Variants in UNC5D observed in about 807,000 individuals in gnomAD.
UNC5D encodes the protein netrin receptor UNC5D.
A neutral mutation model predicts 105.4 loss-of-function variants in UNC5D; 39 were observed. The observed-to-expected ratio is 0.37, with a 90% confidence interval of 0.29 to 0.48. The LOEUF is 0.48. UNC5D is among the 20% of genes least tolerant of loss of function. The probability of loss-of-function intolerance (pLI) is 0.98; values close to 1 mark genes in which losing one functional copy is unlikely to be tolerated. For missense variants in UNC5D, 991 were observed against 1,202.4 expected (o/e 0.82, Z 2.60); for synonymous variants, 452 against 450.4 (o/e 1.00, Z -0.04).
intron 11 of UNC5D, among the ~76,000 whole-genome samples, chr8:35,735,579 C>CT (rs1829425371): frequency 6.6e-6 from 1 of 152,108 alleles, no homozygotes; most frequent in South Asian, 2.1e-4. Flanking sequence ...AAAACATTAT[C>CT]TTTTTTAGGG....
chr8:35,599,398 G>T (rs769397211), intron 4 of UNC5D, among the ~76,000 whole-genome samples: 1 of 152,060 alleles, frequency 6.6e-6, no homozygotes, highest in Non-Finnish European at 1.5e-5. Context: ...ATAAGTTTGT[G>T]ATGTAATACA....
chr8:35,750,730 T>G lies in UNC5D; in HGVS notation c.2084T>G (p.Val695Gly). ...GCCGTGAAGCAACTGAAGGTGGCGG[T>G]TTTTGGCTGCATGTCCTGTAACTCC... ...DCAVKQLKVA[V>G]FGCMSCNSLD... is the part of the protein sequence containing the mutation. The change falls in exon 13 of 17, where the codon GTT becomes GGT. Residue 695 changes from valine (V) to glycine (G), a missense_variant. Val to Gly is a moderately radical substitution (Grantham distance 109). Coordinates refer to ENST00000404895, the MANE Select transcript of UNC5D (RefSeq NM_080872.4). The G allele has an allele frequency of 6.2e-7, 1 of 1,614,044 alleles. No individual in the cohort carries two copies. Among genetic ancestry groups the G allele is most frequent in the Non-Finnish European group, 8.5e-7 (1 of 1,179,998 alleles).
At chr8:35,439,489 T>C (rs908656716) in intron 1 of UNC5D, among the ~76,000 whole-genome samples, 1 of 152,062 alleles carries the variant, frequency 6.6e-6, no homozygotes, top group East Asian at 1.9e-4. Flanking sequence ...TGGTAACTAC[T>C]TGGGCAAGTT....
chr8:35,312,196 C>T (rs1425253548), intron 1 of UNC5D, among the ~76,000 whole-genome samples: 1 of 152,160 alleles, frequency 6.6e-6, no homozygotes, highest in Admixed American at 6.6e-5. Flanking sequence ...CTTCTGAAAA[C>T]ACATCTTGTG....
intron 1 of UNC5D, among the ~76,000 whole-genome samples, chr8:35,260,588 A>G (rs1179523737): frequency 1.3e-5 from 2 of 152,136 alleles, no homozygotes; most frequent in African/African-American, 4.8e-5. Flanking sequence ...CTCAGACTCC[A>G]GAGTATCTGG....
intron 13 of UNC5D, among the ~76,000 whole-genome samples, chr8:35,758,281 G>A (rs1450262109): frequency 1.3e-5 from 2 of 152,142 alleles, no homozygotes; most frequent in African/African-American, 4.8e-5. Flanking sequence ...AACCAGTAGA[G>A]GTGTTTTTAC....
At chr8:35,756,573 A>G in intron 13 of UNC5D, among the ~76,000 whole-genome samples, 1 of 150,782 alleles carries the variant, frequency 6.6e-6, no homozygotes, top group East Asian at 1.9e-4. Context: ...AAAAAGAAAA[A>G]AAGAAAGTCA....
chr8:35,616,696 C>T (rs910973048), intron 4 of UNC5D, among the ~76,000 whole-genome samples: 4 of 152,106 alleles, frequency 2.6e-5, no homozygotes, highest in Non-Finnish European at 4.4e-5. Flanking sequence ...AGATTACATC[C>T]GTTATCCTGT....
chr8:35,278,357 C>A (rs1027264336), intron 1 of UNC5D, among the ~76,000 whole-genome samples: 7 of 152,134 alleles, frequency 4.6e-5, no homozygotes, highest in African/African-American at 1.7e-4. Context: ...AAAATGTCTT[C>A]ATTAGGGTGG....
chr8:35,290,068 T>A (rs906234187), intron 1 of UNC5D, among the ~76,000 whole-genome samples: 1 of 152,144 alleles, frequency 6.6e-6, no homozygotes, highest in African/African-American at 2.4e-5. Context: ...AAAAGGAACT[T>A]CTGTATATTA....
chr8:35,567,965 A>G, intron 2 of UNC5D, 133 bp from the exon 3 acceptor site: 1 of 1,355,054 alleles, frequency 7.4e-7, no homozygotes, highest in Non-Finnish European at 1.0e-6. Context: ...ATTATTGTCA[A>G]AGTAATTAAA....
intron 7 of UNC5D, among the ~76,000 whole-genome samples, chr8:35,700,174 G>A (rs1827090450): frequency 6.6e-6 from 1 of 152,226 alleles, no homozygotes; most frequent in African/African-American, 2.4e-5. Flanking sequence ...CATTCAGAGG[G>A]CATAACACCA....
At chr8:35,766,686 T>C (rs899737814) in intron 14 of UNC5D, among the ~76,000 whole-genome samples, 1 of 152,248 alleles carries the variant, frequency 6.6e-6, no homozygotes, top group Non-Finnish European at 1.5e-5. Context: ...TCAGTTGGAA[T>C]TGACATTAAT....
intron 1 of UNC5D, among the ~76,000 whole-genome samples, chr8:35,340,181 AC>A (rs1366849198): frequency 5.3e-5 from 8 of 152,170 alleles, no homozygotes; most frequent in African/African-American, 1.9e-4. Context: ...TTTCTCATGA[AC>A]CCTTGCCTGC....
At chr8:35,696,121 T>C (rs1403171043) in intron 7 of UNC5D, among the ~76,000 whole-genome samples, 4 of 152,124 alleles carry the variant, frequency 2.6e-5, no homozygotes, top group African/African-American at 2.4e-5. Flanking sequence ...TATGCATTAC[T>C]AGACTGTACT....
At chr8:35,415,870 G>T (rs764555148) in intron 1 of UNC5D, among the ~76,000 whole-genome samples, 32 of 152,244 alleles carry the variant, frequency 2.1e-4, no homozygotes, top group South Asian at 2.1e-3. Flanking sequence ...AACTACAGTA[G>T]AGTAGGAAGA....
At chr8:35,530,108 A>G (rs1166489120) in intron 1 of UNC5D, among the ~76,000 whole-genome samples, 1 of 152,068 alleles carries the variant, frequency 6.6e-6, no homozygotes, top group Non-Finnish European at 1.5e-5. Flanking sequence ...GAGAGAGGGC[A>G]TCCCTGTCTT....
At chr8:35,768,021 CATTT>C (rs1260407895) in intron 15 of UNC5D, among the ~76,000 whole-genome samples, 2 of 149,802 alleles carry the variant, frequency 1.3e-5, no homozygotes, top group Non-Finnish European at 3.0e-5. Context: ...TACATATATG[CATTT>C]ATTAATATAT....
chr8:35,705,643 C>A (rs1827525051), intron 7 of UNC5D, among the ~76,000 whole-genome samples: 1 of 152,130 alleles, frequency 6.6e-6, no homozygotes, highest in East Asian at 1.9e-4. Context: ...CTTTTCTCAT[C>A]CTGATAAGAA....
Sources: gnomAD v4.1 joint callset for allele counts (sites outside exome capture counted in the v4.1 genomes callset) on GRCh38, gnomAD v4.1.1 for gene constraint, MANE v1.5 for transcripts, NCBI Gene and HGNC (gene_info 2026-07-23, HGNC 2026-07-21) for gene names.